The following ZNF497 variants were observed in gnomAD, a reference collection of about 807,000 sequenced individuals.
ZNF497 encodes the protein zinc finger protein 497.
For missense variants in ZNF497, 930 were observed against 714.0 expected, an observed-to-expected ratio of 1.30 and a Z score of -3.45; for synonymous variants, 422 against 313.7, an observed-to-expected ratio of 1.35 and a Z score of -3.65.
chr19:58,362,438 A>AT (rs1013780744), intron 1 of ZNF497: 3 of 152,290 alleles, frequency 2.0e-5, no homozygotes, highest in African/African-American at 7.2e-5. Flanking sequence ...ACTGATCGCC[A>AT]TAAGGCTCGC....
At position 58,356,992 on chromosome 19, in the gene ZNF497, T is replaced by C; in HGVS notation, c.644A>G (p.Glu215Gly). 2 of 1,609,596 alleles carry C rather than the reference T, an allele frequency of 1.2e-6. No homozygotes were observed. Among genetic ancestry groups the C allele is most frequent in the Non-Finnish European group, 1.7e-6 (2 of 1,179,020 alleles). The change falls in exon 3 of 3, where the codon GAG (glutamate) becomes GGG (glycine). Residue 215 changes from glutamate to glycine, a missense_variant. By Grantham distance (98) the Glu-to-Gly change is moderately conservative (BLOSUM62 -2). Transcript: ENST00000311044. ...LVQHRRTHTG[E>G]KPYECPECGK... ...GCACTCCGGGCACTCGTAGGGCTTC[T>C]CGCCCGTGTGCGTGCGTCGGTGCTG...
chr19:58,360,879 T>G (rs1305581459), intron 1 of ZNF497, among the ~76,000 whole-genome samples: 1 of 144,522 alleles, frequency 6.9e-6, no homozygotes, highest in East Asian at 2.1e-4. Context: ...CCTCCCGGGT[T>G]CATACCATTC....
At chr19:58,358,084 C>T (rs1326689979) in intron 2 of ZNF497, 1 of 1,232,906 alleles carries the variant, frequency 8.1e-7, no homozygotes, top group Admixed American at 2.7e-5. Flanking sequence ...GGCTGGAGGA[C>T]ACCGCCTGAC....
At position 58,356,231 on chromosome 19, in the gene ZNF497, G is replaced by T. The variant is rs140376225; in HGVS notation, c.1405C>A (p.Pro469Thr). The change falls in exon 3 of 3, where the codon CCC (proline) becomes ACC (threonine). Residue 469 changes from proline to threonine, a missense_variant. Physicochemically the swap from Pro to Thr is conservative, Grantham distance 38. Coordinates refer to ENST00000311044, the MANE Select transcript of ZNF497 (RefSeq NM_198458.3). ...SHRRTHTGER[P>T]YACGECGKPF... ...TTCCCGCACTCGCCGCAAGCGTAGG[G>T]CCTCTCGCCCGTGTGCGTGCGCCGG... 5 of 1,607,404 alleles carry T rather than the reference G, an allele frequency of 3.1e-6. No homozygotes were observed. The highest frequency in any genetic ancestry group is 4.2e-6 in the Non-Finnish European group (5 of 1,177,360).
In ZNF497 at chr19:58,357,669, G is replaced by A; in HGVS notation, c.-14-20C>T. The A allele has an allele frequency of 6.6e-7, 1 of 1,511,122 alleles. No homozygotes were observed. The highest frequency in any genetic ancestry group is 8.8e-7 in the Non-Finnish European group (1 of 1,131,674). The allele number at this position is 1,511,122 out of a possible 1,614,324, so 93.6% of individuals were successfully genotyped here. A position where few individuals can be genotyped will look rare whatever the true frequency, so the allele number is the denominator to read the frequency against. ...TGTGACCTAAAACAGGAGAGAAAAG[G>A]CAAGTACCTTAGAGAATACAAAGAA... is the stretch of plus-strand genomic sequence containing the variant. On this transcript the variant is annotated intron_variant, in intron 2 of 2. Coordinates refer to ENST00000311044, the MANE Select transcript of ZNF497 (RefSeq NM_198458.3).
intron 1 of ZNF497, among the ~76,000 whole-genome samples, chr19:58,361,025 G>A (rs1428756015): frequency 2.0e-5 from 3 of 151,570 alleles, no homozygotes; most frequent in Non-Finnish European, 2.9e-5. Flanking sequence ...CTCGTGATCC[G>A]CCCGCCTCAG....
At chr19:58,360,019 T>G (rs1599915185) in intron 1 of ZNF497, among the ~76,000 whole-genome samples, 1 of 151,194 alleles carries the variant, frequency 6.6e-6, no homozygotes. Flanking sequence ...ACAAGATGGA[T>G]GAATCTTGAA....
intron 1 of ZNF497, among the ~76,000 whole-genome samples, chr19:58,360,867 T>C (rs1233692237): frequency 2.2e-5 from 3 of 136,248 alleles, no homozygotes; most frequent in Non-Finnish European, 4.6e-5. Context: ...CTGCAAGCTC[T>C]GCCTCCCGGG....
rs1421486407 is a variant in ZNF497, at chr19:58,356,585, C to G, written c.1051G>C (p.Val351Leu). 1.3e-6 allele frequency: 2 copies of G among 1,540,698 alleles called. No individual in the cohort carries two copies. Among genetic ancestry groups the G allele is most frequent in the Non-Finnish European group, 1.7e-6 (2 of 1,148,812 alleles). The change falls in exon 3 of 3, where the codon GTG (valine) becomes CTG (leucine). Residue 351 changes from valine to leucine, a missense_variant. Transcript: ENST00000311044. ...MGSYLAEHRR[V>L]HTGEKPHACA... is the part of the protein sequence containing the mutation. The stretch of plus-strand genomic sequence containing the variant: ...GCATGAGGCTTCTCGCCCGTGTGCA[C>G]GCGCCGGTGCTCCGCCAGGTAGGAG...
In ZNF497 at chr19:58,356,325, A is replaced by C. The variant is rs535537584; in HGVS notation, c.1311T>G (p.Ser437=). ...GGGCGCAGACGAACGGCCTCTCGCC[A>C]GAGTGCAGGCGCTGGTGCTGGCGCA... ...SELRQHQRLH[S]GERPFVCAHC... The change falls in exon 3 of 3, where the codon TCT becomes TCG. Residue 437 remains serine (S), a synonymous_variant. Transcript: ENST00000311044. 1.1e-5 allele frequency: 17 copies of C among 1,572,438 alleles called. No individual in the cohort carries two copies. Among genetic ancestry groups the C allele is most frequent in the Middle Eastern group, 1.7e-4 (1 of 5,912 alleles).
intron 2 of ZNF497, 168 bp from the exon 3 acceptor site, chr19:58,357,817 G>C (rs2148006943): frequency 8.3e-7 from 1 of 1,207,200 alleles, no homozygotes; most frequent in East Asian, 2.7e-5. Flanking sequence ...CAGCAGGCGG[G>C]CTAGACACTC....
In ZNF497 at chr19:58,356,776, G is replaced by A. The variant is rs2052027991; in HGVS notation, c.860C>T (p.Ala287Val). 3 of 1,577,270 alleles carry A rather than the reference G, an allele frequency of 1.9e-6. No homozygotes were observed. Among genetic ancestry groups the A allele is most frequent in the Non-Finnish European group, 2.6e-6 (3 of 1,168,190 alleles). The change falls in exon 3 of 3, where the codon GCG becomes GTG. Residue 287 changes from alanine to valine, a missense_variant. Ala to Val is a moderately conservative substitution (Grantham distance 64, BLOSUM62 0). Coordinates refer to ENST00000311044, the MANE Select transcript of ZNF497 (RefSeq NM_198458.3). The stretch of plus-strand genomic sequence containing the variant: ...CGTGCGCCGGTGCTGCCGCAGCCCC[G>A]CCACACGCACGAAGGCCTTGCCGCA... The part of the protein sequence containing the change: ...PDCGKAFVRV[A>V]GLRQHRRTHS...
chr19:58,356,169 C>G lies in ZNF497; in HGVS notation c.1467G>C (p.Gln489His). ...GCGCAGCGCGGCCCCCGTGCCGCTT[C>G]TGGTGCTCGTTGAGGTTGCAACGGT... ...FSHRCNLNEH[Q>H]KRHGGRAAP Residue 489 changes from glutamine to histidine, a missense_variant, in exon 3 of 3, where the codon CAG becomes CAC. By Grantham distance (24) the Gln-to-His change is conservative. Coordinates refer to ENST00000311044, the MANE Select transcript of ZNF497 (RefSeq NM_198458.3). 6.3e-7 allele frequency: 1 copy of G among 1,579,568 alleles called. No homozygotes were observed. The highest frequency in any genetic ancestry group is 8.6e-7 in the Non-Finnish European group (1 of 1,161,058).
In ZNF497 at chr19:58,354,491, G is replaced by C. The variant is rs1451; in HGVS notation, c.*1648C>G. 0.47 allele frequency: 72,045 copies of C among 152,384 alleles called. 18,128 individuals are homozygous for C. Among genetic ancestry groups the C allele is most frequent in the East Asian group, 0.73 (3,756 of 5,172 alleles). 9.4% of individuals were successfully genotyped at this position (152,384 alleles called of 1,614,324 possible). A position where few individuals can be genotyped will look rare whatever the true frequency, so the allele number is the denominator to read the frequency against. ...TGGGAGATGCGGGTGCAGTGAGAAG[G>C]AGCAGAGGAGACCAGGAGTTGAGGC... On this transcript the variant is annotated 3_prime_UTR_variant, in exon 3 of 3. Coordinates refer to ENST00000311044, the MANE Select transcript of ZNF497 (RefSeq NM_198458.3).
At chr19:58,360,078 T>C (rs2052074601) in intron 1 of ZNF497, among the ~76,000 whole-genome samples, 1 of 152,100 alleles carries the variant, frequency 6.6e-6, no homozygotes, top group Non-Finnish European at 1.5e-5. Flanking sequence ...AAAGACTTCA[T>C]ATTATGTTAT....
In ZNF497 at chr19:58,357,143, T is replaced by G; in HGVS notation, c.493A>C (p.Arg165=). 6.3e-7 allele frequency: 1 copy of G among 1,598,784 alleles called. No individual in the cohort carries two copies. Among genetic ancestry groups the G allele is most frequent in the Non-Finnish European group, 8.5e-7 (1 of 1,171,048 alleles). The part of the protein sequence containing the change: ...IHSGEKPYAC[R]ECGKAFRAHS... ...GCGCGGAAGGCCTTGCCGCACTCCCTGCAAGCGTAGGGCTTCTCGCCGCTG... is the reference window on the plus strand; with the variant it reads ...GCGCGGAAGGCCTTGCCGCACTCCCGGCAAGCGTAGGGCTTCTCGCCGCTG... The change falls in exon 3 of 3, where the codon AGG becomes CGG. Residue 165 remains arginine (R), a synonymous_variant. Coordinates refer to ENST00000311044, the MANE Select transcript of ZNF497 (RefSeq NM_198458.3).
In ZNF497 at chr19:58,356,120, C is replaced by G; in HGVS notation, c.*19G>C. ...GCAATGCCGTGTGTCCGCGACCTCC[C>G]GCTCAGGGCGTCCTCGGGTCAGGGC... On this transcript the variant is annotated 3_prime_UTR_variant, in exon 3 of 3. Transcript: ENST00000311044. 2.6e-6 allele frequency: 4 copies of G among 1,518,572 alleles called. No homozygotes were observed. Among genetic ancestry groups the G allele is most frequent in the Non-Finnish European group, 3.5e-6 (4 of 1,136,398 alleles). 94.1% of individuals were successfully genotyped at this position (1,518,572 alleles called of 1,614,324 possible). A position where few individuals can be genotyped will look rare whatever the true frequency, so the allele number is the denominator to read the frequency against.
chr19:58,357,577 C>T lies in ZNF497; in HGVS notation c.59G>A (p.Cys20Tyr). ...QVAPEEGQVL[C>Y]NVKTATRGLS... Reference sequence around the variant, plus strand: ...GCCCCTCGTGGCAGTCTTCACATTGCAGAGGACCTGGCCTTCCTCTGGGGC... The same window carrying T: ...GCCCCTCGTGGCAGTCTTCACATTGTAGAGGACCTGGCCTTCCTCTGGGGC... Residue 20 changes from cysteine to tyrosine, a missense_variant, in exon 3 of 3, where the codon TGC (cysteine) becomes TAC (tyrosine). Physicochemically the swap from Cys to Tyr is radical, Grantham distance 194 (BLOSUM62 -2). Coordinates refer to ENST00000311044, the MANE Select transcript of ZNF497 (RefSeq NM_198458.3). 1 of 1,591,530 alleles carries T rather than the reference C, an allele frequency of 6.3e-7. No individual in the cohort carries two copies. The highest frequency in any genetic ancestry group is 8.5e-7 in the Non-Finnish European group (1 of 1,170,152).
rs552132368 is a variant in ZNF497 at position 58,355,262 on chromosome 19, C to G, written c.*877G>C. The G allele has an allele frequency of 1.3e-5, 2 of 152,394 alleles. No individual in the cohort carries two copies. Among genetic ancestry groups the G allele is most frequent in the Admixed American group, 6.5e-5 (1 of 15,276 alleles). The allele number at this position is 152,394 out of a possible 1,614,324, so 9.4% of individuals were successfully genotyped here. ...CGGTGGCTCACGCCTATAATCCCAA[C>G]GCTTTGGGAGGCTGAGGCAGGAGGA... On this transcript the variant is annotated 3_prime_UTR_variant, in exon 3 of 3. Transcript: ENST00000311044.
Sources: allele counts gnomAD v4.1 joint callset (sites outside exome capture counted in the v4.1 genomes callset), GRCh38; gene constraint gnomAD v4.1.1; transcripts MANE v1.5; gene names NCBI Gene and HGNC (gene_info 2026-07-23, HGNC 2026-07-21).